MTHFD1L: variants seen among roughly 807,000 people sequenced by gnomAD.
The protein encoded by MTHFD1L is methylenetetrahydrofolate dehydrogenase (NADP+ dependent) 1 like, also known as monofunctional C1-tetrahydrofolate synthase, mitochondrial.
Under a neutral mutation model 119.5 loss-of-function variants are expected in MTHFD1L, and 81 were observed. That is an observed-to-expected ratio of 0.68 (90% CI 0.57 to 0.82). The LOEUF (loss-of-function observed/expected upper bound fraction) is 0.82, where lower values mean the gene tolerates loss of function less well. Ranked by LOEUF, MTHFD1L falls within the 40% of genes least tolerant of loss-of-function variation. The probability of loss-of-function intolerance (pLI) is 0.00; values close to 1 mark genes in which losing one functional copy is unlikely to be tolerated. For missense variants in MTHFD1L, 1,125 were observed against 1,253.4 expected, an observed-to-expected ratio of 0.90 and a Z score of 1.55; for synonymous variants, 430 against 475.2, an observed-to-expected ratio of 0.90 and a Z score of 1.24.
chr6:151,071,149 A>C (rs1791902257), intron 26 of MTHFD1L, among the ~76,000 whole-genome samples: 1 of 152,196 alleles, frequency 6.6e-6, no homozygotes, highest in Non-Finnish European at 1.5e-5. Context: ...ACTTTTGTGT[A>C]AGCTCCAGAC....
rs71014527 is a variant in MTHFD1L at position 150,865,721 on chromosome 6, CCCGCCGCCGCCG to C, written c.-87_-76del. On this transcript the variant is annotated 5_prime_UTR_variant, in exon 1 of 28. Coordinates refer to ENST00000367321, the MANE Select transcript of MTHFD1L (RefSeq NM_015440.5). ...GACGAGGAGGAAGCGCCAGGTCCTT[CCCGCCGCCGCCG>C]CCGCCGCCGCCGCCTGCTCCCCTGG... 101 of 967,354 alleles carry C rather than the reference CCCGCCGCCGCCG, an allele frequency of 1.0e-4. 2 individuals carry two copies. Among genetic ancestry groups the C allele is most frequent in the Middle Eastern group, 4.5e-4 (1 of 2,198 alleles). 59.9% of individuals were successfully genotyped at this position (967,354 alleles called of 1,614,324 possible).
intron 19 of MTHFD1L, 70 bp downstream of exon 19, chr6:150,965,107 C>T: frequency 7.2e-7 from 1 of 1,386,140 alleles, no homozygotes; most frequent in South Asian, 1.2e-5. Flanking sequence ...ACATTTTTAG[C>T]CAATATGAGG....
At chr6:150,976,233 A>T (rs1776550584) in intron 20 of MTHFD1L, among the ~76,000 whole-genome samples, 1 of 152,154 alleles carries the variant, frequency 6.6e-6, no homozygotes, top group Non-Finnish European at 1.5e-5. Context: ...GCAGCTTCGC[A>T]TGCTCTTCAC....
chr6:150,918,769 A>G (rs993550718), intron 9 of MTHFD1L, 101 bp downstream of exon 9: 1 of 873,002 alleles, frequency 1.1e-6, no homozygotes. Context: ...ACAGTGTTAA[A>G]CACTTCACAC....
In MTHFD1L at chr6:150,877,626, T is replaced by G. The variant is rs1187634196; in HGVS notation, c.313-8T>G. On this transcript the variant is annotated splice_polypyrimidine_tract_variant and splice_region_variant and intron_variant, in intron 2 of 27. Coordinates refer to ENST00000367321, the MANE Select transcript of MTHFD1L (RefSeq NM_015440.5). ...TTTATGTTGTTATGTTGTTTTTACCTTCCTAAGGCAGGTGACGACAACTTG... is the reference window on the plus strand; with the variant it reads ...TTTATGTTGTTATGTTGTTTTTACCGTCCTAAGGCAGGTGACGACAACTTG... 6.2e-7 allele frequency: 1 copy of G among 1,613,946 alleles called. No individual in the cohort carries two copies. Among genetic ancestry groups the G allele is most frequent in the Non-Finnish European group, 8.5e-7 (1 of 1,180,012 alleles).
intron 26 of MTHFD1L, among the ~76,000 whole-genome samples, chr6:151,059,406 A>G (rs1790376810): frequency 6.6e-6 from 1 of 151,478 alleles, no homozygotes; most frequent in African/African-American, 2.4e-5. Context: ...CGAACTCCTG[A>G]CCTCAGGTGA....
At chr6:151,027,497 G>C (rs1784756922) in intron 24 of MTHFD1L, among the ~76,000 whole-genome samples, 1 of 152,182 alleles carries the variant, frequency 6.6e-6, no homozygotes, top group Non-Finnish European at 1.5e-5. Context: ...ACAGAACCAA[G>C]AGAAAGCCAG....
At chr6:151,010,020 G>A in intron 21 of MTHFD1L, 62 bp downstream of exon 21, 1 of 1,496,092 alleles carries the variant, frequency 6.7e-7, no homozygotes, top group Admixed American at 2.6e-5. Flanking sequence ...ACAGAATTGA[G>A]CATTTGAAAA....
chr6:150,870,340 A>C (rs571123361), intron 1 of MTHFD1L, among the ~76,000 whole-genome samples: 6 of 152,198 alleles, frequency 3.9e-5, no homozygotes, highest in Non-Finnish European at 7.3e-5. Context: ...TGTAGGAATG[A>C]GTAACCCCAA....
chr6:150,944,255 A>C (rs1793592057), intron 13 of MTHFD1L, among the ~76,000 whole-genome samples: 1 of 152,190 alleles, frequency 6.6e-6, no homozygotes, highest in Non-Finnish European at 1.5e-5. Flanking sequence ...TAACCAGCCT[A>C]GGCAACATAG....
intron 19 of MTHFD1L, among the ~76,000 whole-genome samples, chr6:150,967,480 C>G (rs1428853503): frequency 6.6e-6 from 1 of 152,174 alleles, no homozygotes; most frequent in Non-Finnish European, 1.5e-5. Context: ...TATCATGCAC[C>G]TGGAATTTCA....
At chr6:151,015,108 CTGTT>C (rs1001686221) in intron 23 of MTHFD1L, 128 bp downstream of exon 23, 17 of 689,596 alleles carry the variant, frequency 2.5e-5, no homozygotes, top group African/African-American at 2.4e-4. Context: ...CCAGTTCTTT[CTGTT>C]TGTTTATTTG....
At chr6:150,870,836 G>C (rs368731641) in intron 1 of MTHFD1L, among the ~76,000 whole-genome samples, 5 of 151,410 alleles carry the variant, frequency 3.3e-5, no homozygotes, top group Non-Finnish European at 7.4e-5. Flanking sequence ...GCTTTAACCC[G>C]GGAGGTGGAG....
intron 24 of MTHFD1L, among the ~76,000 whole-genome samples, chr6:151,029,237 A>T (rs1785000208): frequency 6.6e-6 from 1 of 151,222 alleles, no homozygotes; most frequent in Non-Finnish European, 1.5e-5. Flanking sequence ...CCTGGCCAAC[A>T]TAGTGAAACC....
At chr6:150,912,716 T>C (rs559964860) in intron 8 of MTHFD1L, 11 of 516,074 alleles carry the variant, frequency 2.1e-5, no homozygotes, top group African/African-American at 1.9e-4. Flanking sequence ...AGTGATTCAT[T>C]GACTTGTCCC....
chr6:150,914,804 A>C (rs1272651411), intron 8 of MTHFD1L, among the ~76,000 whole-genome samples: 1 of 152,218 alleles, frequency 6.6e-6, no homozygotes, highest in Non-Finnish European at 1.5e-5. Context: ...CTTTGGGCTT[A>C]TCCAGGGTCC....
chr6:151,065,425 G>A (rs530948708), intron 26 of MTHFD1L, among the ~76,000 whole-genome samples: 27 of 152,240 alleles, frequency 1.8e-4, no homozygotes, highest in Non-Finnish European at 2.8e-4. Flanking sequence ...GTGGCTGCAA[G>A]TAAGAGAAAC....
intron 7 of MTHFD1L, among the ~76,000 whole-genome samples, chr6:150,902,112 A>G (rs891557111): frequency 3.3e-5 from 5 of 152,210 alleles, no homozygotes; most frequent in Non-Finnish European, 4.4e-5. Flanking sequence ...TTTAGTTTAA[A>G]ACATTTTAAT....
At position 150,865,806 on chromosome 6, in the gene MTHFD1L, A is replaced by C; in HGVS notation, c.-17A>C. The C allele has an allele frequency of 2.3e-6, 3 of 1,290,540 alleles. No homozygotes were observed. The highest frequency in any genetic ancestry group is 2.0e-6 in the Non-Finnish European group (2 of 1,011,512). 79.9% of individuals were successfully genotyped at this position (1,290,540 alleles called of 1,614,324 possible). On this transcript the variant is annotated 5_prime_UTR_variant, in exon 1 of 28. Coordinates refer to ENST00000367321, the MANE Select transcript of MTHFD1L (RefSeq NM_015440.5). ...AGCCGCAGCTCCGTGTCCCCTGAGA[A>C]CCAGCCGTCCCGCGCCATGGGCACG...
Sources: gnomAD v4.1 joint callset for allele counts (sites outside exome capture counted in the v4.1 genomes callset) on GRCh38, gnomAD v4.1.1 for gene constraint, MANE v1.5 for transcripts, NCBI Gene and HGNC (gene_info 2026-07-23, HGNC 2026-07-21) for gene names.